The following WFDC10B variants were observed in gnomAD, a reference collection of about 807,000 sequenced individuals.
The protein encoded by WFDC10B is protein WFDC10B.
In WFDC10B, 1 loss-of-function variant was observed where a neutral mutation model predicts 2.7. The observed-to-expected ratio is 0.38, with a 90% CI of 0.13 to 1.79. WFDC10B has a LOEUF of 1.79. Among genes scored for constraint, WFDC10B ranks in the 40% most tolerant of loss-of-function variants. WFDC10B has a pLI of 0.33. For missense variants in WFDC10B, 71 were observed against 87.8 expected (o/e 0.81, Z 0.76); for synonymous variants, 26 against 32.2 (o/e 0.81, Z 0.65).
chr20:45,702,031 C>A, intron 2 of WFDC10B: 1 of 1,217,726 alleles, frequency 8.2e-7, no homozygotes, highest in Non-Finnish European at 1.2e-6. Flanking sequence ...TGGGCCTCCA[C>A]TTTGCCCTCT....
chr20:45,702,183 GCCTGGGAGT>G, intron 2 of WFDC10B: 1 of 1,613,144 alleles, frequency 6.2e-7, no homozygotes, highest in South Asian at 1.1e-5. Context: ...TGCAGCTGGT[GCCTGGGAGT>G]CCCAAGCAGC....
intron 2 of WFDC10B, among the ~76,000 whole-genome samples, chr20:45,703,673 C>T (rs1190322830): frequency 6.6e-6 from 1 of 152,048 alleles, no homozygotes; most frequent in Non-Finnish European, 1.5e-5. Flanking sequence ...GGAAGACTCT[C>T]CCAGGGCAGG....
At chr20:45,701,564 C>T (rs1984161977) in intron 2 of WFDC10B, among the ~76,000 whole-genome samples, 1 of 152,122 alleles carries the variant, frequency 6.6e-6, no homozygotes, top group African/African-American at 2.4e-5. Context: ...GAGTTCAAGA[C>T]TAGCCTGGAT....
chr20:45,697,379 ATT>A (rs869059383), intron 2 of WFDC10B, among the ~76,000 whole-genome samples: 4,177 of 113,876 alleles, frequency 0.037, 151 homozygotes, highest in African/African-American at 0.13. Flanking sequence ...ACATCCCATC[ATT>A]TTTTTTTTTT....
At chr20:45,691,149 A>G (rs1983799733) in intron 2 of WFDC10B, among the ~76,000 whole-genome samples, 2 of 152,202 alleles carry the variant, frequency 1.3e-5, no homozygotes, top group African/African-American at 4.8e-5. Context: ...AGCGGTTTTG[A>G]GTGAGTTTCT....
chr20:45,692,546 T>C (rs1210746656), intron 2 of WFDC10B, among the ~76,000 whole-genome samples: 1 of 152,196 alleles, frequency 6.6e-6, no homozygotes, highest in Non-Finnish European at 1.5e-5. Flanking sequence ...TTTTTATTCC[T>C]TTTTCTCTAA....
At chr20:45,686,142 T>C (rs1458967576) in intron 2 of WFDC10B, 86 bp from the exon 3 acceptor site, 2 of 1,433,310 alleles carry the variant, frequency 1.4e-6, no homozygotes, top group Non-Finnish European at 1.8e-6. Context: ...GCAAGAGTCC[T>C]TGCTTCCTGC....
At chr20:45,700,418 C>T (rs536044966) in intron 2 of WFDC10B, among the ~76,000 whole-genome samples, 260 of 152,172 alleles carry the variant, frequency 1.7e-3, no homozygotes, top group African/African-American at 5.9e-3. Context: ...AAGTTACAGG[C>T]CCAGTTCATT....
chr20:45,688,219 G>T (rs974616310), intron 2 of WFDC10B, among the ~76,000 whole-genome samples: 5 of 151,698 alleles, frequency 3.3e-5, no homozygotes, highest in African/African-American at 1.2e-4. Context: ...ATTTTTTATG[G>T]CTGCATAGTA....
At chr20:45,701,739 G>A (rs1036584555) in intron 2 of WFDC10B, among the ~76,000 whole-genome samples, 1 of 147,400 alleles carries the variant, frequency 6.8e-6, no homozygotes, top group Non-Finnish European at 1.5e-5. Flanking sequence ...TCCAGCCTGG[G>A]TGACAGAGCC....
rs566414599 is a variant in WFDC10B, at chr20:45,700,159, G to T, written c.-65+4338C>A. On this transcript the variant is annotated intron_variant, in intron 2 of 3. Coordinates refer to ENST00000330523, the MANE Select transcript of WFDC10B (RefSeq NM_172006.2). ...TATATGACTAAGGTGTATGTCAAAT[G>T]CAGCTGTAATAGAGGAAAAATTGTT... Among the ~76,000 whole-genome samples, 12 of 152,252 alleles carry T rather than the reference G, an allele frequency of 7.9e-5. No individual in the cohort carries two copies. In the South Asian group the frequency reaches 2.3e-3, roughly 29 times the overall value.
chr20:45,701,922 GA>G, intron 2 of WFDC10B: 2 of 567,344 alleles, frequency 3.5e-6, no homozygotes, highest in Non-Finnish European at 6.3e-6. Context: ...AGGAGGATAT[GA>G]AAACACTACG....
chr20:45,693,179 C>G (rs920304874), intron 2 of WFDC10B, among the ~76,000 whole-genome samples: 3 of 152,150 alleles, frequency 2.0e-5, no homozygotes, highest in African/African-American at 7.2e-5. Flanking sequence ...TCTGATCGTT[C>G]CTCTGGAAGT....
chr20:45,697,353 C>T (rs377155828), intron 2 of WFDC10B, among the ~76,000 whole-genome samples: 1 of 149,182 alleles, frequency 6.7e-6, no homozygotes, highest in East Asian at 2.0e-4. Flanking sequence ...TATAGAAGAC[C>T]TCAAGAAATA....
intron 3 of WFDC10B, among the ~76,000 whole-genome samples, chr20:45,685,259 A>G (rs1173930530): frequency 6.6e-6 from 1 of 152,070 alleles, no homozygotes; most frequent in Non-Finnish European, 1.5e-5. Flanking sequence ...AGTCACCCCC[A>G]TAGAATCTAT....
chr20:45,702,291 C>A, intron 2 of WFDC10B: 1 of 1,392,904 alleles, frequency 7.2e-7, no homozygotes, highest in Non-Finnish European at 9.9e-7. Context: ...GTCTGTCACA[C>A]CTCTTGGAAA....
chr20:45,693,806 T>G (rs1983896428), intron 2 of WFDC10B, among the ~76,000 whole-genome samples: 1 of 152,244 alleles, frequency 6.6e-6, no homozygotes, highest in Admixed American at 6.5e-5. Flanking sequence ...CTCGCACTGC[T>G]TCGGCTTGCG....
At chr20:45,687,291 GC>G (rs1399692809) in intron 2 of WFDC10B, among the ~76,000 whole-genome samples, 1 of 152,170 alleles carries the variant, frequency 6.6e-6, no homozygotes, top group Non-Finnish European at 1.5e-5. Flanking sequence ...CCATTAGTTT[GC>G]TGAGGATAAC....
chr20:45,704,092 A>G (rs1343059730), intron 2 of WFDC10B, among the ~76,000 whole-genome samples: 1 of 152,212 alleles, frequency 6.6e-6, no homozygotes. Flanking sequence ...ATCAGTGCAG[A>G]ACGAACATAC....
Sources: allele counts gnomAD v4.1 joint callset (sites outside exome capture counted in the v4.1 genomes callset), GRCh38; gene constraint gnomAD v4.1.1; transcripts MANE v1.5; gene names NCBI Gene and HGNC (gene_info 2026-07-23, HGNC 2026-07-21).